The following AK5 variants were observed in gnomAD, a reference collection of about 807,000 sequenced individuals.
The protein encoded by AK5 is adenylate kinase isoenzyme 5.
AK5 carries 27 observed loss-of-function variants against 69.5 expected under a neutral mutation model. That is an observed-to-expected ratio of 0.39 (90% CI 0.29 to 0.54). AK5 has a LOEUF of 0.54. Among genes scored for constraint, AK5 ranks in the 20% least tolerant of loss-of-function variants. The probability of loss-of-function intolerance (pLI) is 0.71; values close to 1 mark genes in which losing one functional copy is unlikely to be tolerated. For missense variants in AK5, 531 were observed against 700.4 expected (o/e 0.76, Z 2.73); for synonymous variants, 260 against 244.4 (o/e 1.06, Z -0.60).
intron 6 of AK5, among the ~76,000 whole-genome samples, chr1:77,397,072 A>C (rs1355565581): frequency 6.6e-6 from 1 of 152,232 alleles, no homozygotes; most frequent in East Asian, 1.9e-4. Flanking sequence ...GAAAGCCTTC[A>C]GATAACTGTA....
chr1:77,347,854 C>G (rs1188899163), intron 6 of AK5, among the ~76,000 whole-genome samples: 1 of 152,154 alleles, frequency 6.6e-6, no homozygotes, highest in Non-Finnish European at 1.5e-5. Flanking sequence ...TGACTCACAA[C>G]TTTTCCATCC....
rs115648282 is a variant in AK5, at chr1:77,413,625, G to A, written c.982+2554G>A. On this transcript the variant is annotated intron_variant, in intron 7 of 13. Transcript: ENST00000354567. ...CTATAAAGAGGGGATAATAATAGCAGCTACCCCAGAGGATTGTTCTGAAAA... is the reference window on the plus strand; with the variant it reads ...CTATAAAGAGGGGATAATAATAGCAACTACCCCAGAGGATTGTTCTGAAAA... Among the ~76,000 whole-genome samples the A allele has an allele frequency of 5.7e-3, 866 of 152,270 alleles. 10 individuals carry two copies. The highest frequency in any genetic ancestry group is 0.019 in the African/African-American group (807 of 41,546).
chr1:77,500,260 A>G (rs946827666), intron 10 of AK5, among the ~76,000 whole-genome samples: 6 of 152,172 alleles, frequency 3.9e-5, no homozygotes, highest in African/African-American at 1.4e-4. Flanking sequence ...AAATAAAACC[A>G]AAAAAAGAGA....
chr1:77,472,784 TGA>T (rs1654601799), intron 8 of AK5, among the ~76,000 whole-genome samples: 1 of 111,888 alleles, frequency 8.9e-6, no homozygotes, highest in Non-Finnish European at 2.0e-5. Context: ...CAGCTACTGA[TGA>T]GGCAATTCTT....
At position 77,282,293 on chromosome 1, in the gene AK5, C is replaced by T; in HGVS notation, c.-21C>T. The T allele has an allele frequency of 6.5e-7, 1 of 1,545,768 alleles. No homozygotes were observed. Among genetic ancestry groups the T allele is most frequent in the Non-Finnish European group, 8.7e-7 (1 of 1,144,902 alleles). ...CCCGGGAGCCTCCCCGCTTGCGCCC[C>T]AAGGCACGCGCGGCACAGCCATGAA... On this transcript the variant is annotated 5_prime_UTR_variant, in exon 1 of 14. Transcript: ENST00000354567.
At chr1:77,395,333 C>G (rs915116512) in intron 6 of AK5, among the ~76,000 whole-genome samples, 7 of 152,134 alleles carry the variant, frequency 4.6e-5, no homozygotes, top group Admixed American at 2.0e-4. Context: ...ACAGGCTTAG[C>G]TTTTTTCCCT....
At chr1:77,517,243 A>G (rs1267474231) in intron 10 of AK5, among the ~76,000 whole-genome samples, 2 of 152,178 alleles carry the variant, frequency 1.3e-5, no homozygotes, top group African/African-American at 2.4e-5. Context: ...CAGGCACATC[A>G]TCCTGCTAGC....
intron 3 of AK5, among the ~76,000 whole-genome samples, chr1:77,294,342 G>A (rs11583735): frequency 1.3e-5 from 2 of 151,866 alleles, no homozygotes; most frequent in Admixed American, 1.3e-4. Flanking sequence ...TAGTAGGCAG[G>A]CTGAGCCAGG....
In AK5 at chr1:77,417,628, C is replaced by A; in HGVS notation, c.983-11C>A. On this transcript the variant is annotated splice_polypyrimidine_tract_variant and intron_variant, in intron 7 of 13. Transcript: ENST00000354567. ...ACCTCCATCCACTTATCTTTTCTTT[C>A]CTAATCTTAGGTTCAAGTGACCTTG... is the stretch of plus-strand genomic sequence containing the variant. 6.3e-7 allele frequency: 1 copy of A among 1,578,732 alleles called. No homozygotes were observed. Among genetic ancestry groups the A allele is most frequent in the South Asian group, 1.1e-5 (1 of 89,846 alleles).
chr1:77,556,036 C>T (rs956732030), intron 13 of AK5, among the ~76,000 whole-genome samples: 2 of 152,176 alleles, frequency 1.3e-5, no homozygotes, highest in Admixed American at 6.5e-5. Flanking sequence ...TTTGAGTCTC[C>T]TGTAAGGATG....
At chr1:77,339,306 A>G (rs965761283) in intron 5 of AK5, among the ~76,000 whole-genome samples, 2 of 152,242 alleles carry the variant, frequency 1.3e-5, no homozygotes, top group Admixed American at 1.3e-4. Context: ...GCCTCGTCCC[A>G]TTCTCAGTTG....
chr1:77,286,708 A>T (rs1016249817), intron 1 of AK5, among the ~76,000 whole-genome samples: 8 of 152,014 alleles, frequency 5.3e-5, no homozygotes, highest in Non-Finnish European at 1.2e-4. Context: ...GTAGCTGGGC[A>T]TAATGGTGTG....
chr1:77,523,788 C>CAAGCA (rs1658126715), intron 12 of AK5, among the ~76,000 whole-genome samples: 1 of 152,154 alleles, frequency 6.6e-6, no homozygotes, highest in Non-Finnish European at 1.5e-5. Context: ...CCTCTCACCT[C>CAAGCA]AGCCTCCTGA....
chr1:77,408,638 C>T (rs1394530727), intron 6 of AK5, among the ~76,000 whole-genome samples: 1 of 151,972 alleles, frequency 6.6e-6, no homozygotes, highest in Non-Finnish European at 1.5e-5. Flanking sequence ...TTAATTAGGT[C>T]CCACTTATCA....
chr1:77,363,135 CACAT>C (rs1476854024), intron 6 of AK5, among the ~76,000 whole-genome samples: 1 of 152,152 alleles, frequency 6.6e-6, no homozygotes, highest in Non-Finnish European at 1.5e-5. Context: ...TCAGGTGTAA[CACAT>C]ACAGACTGAC....
chr1:77,511,266 G>T (rs1398346283), intron 10 of AK5, among the ~76,000 whole-genome samples: 1 of 152,094 alleles, frequency 6.6e-6, no homozygotes, highest in East Asian at 1.9e-4. Flanking sequence ...ACACAGAAAA[G>T]AAGCTGCCAA....
chr1:77,347,774 A>G (rs957782854), intron 6 of AK5, among the ~76,000 whole-genome samples: 1 of 152,142 alleles, frequency 6.6e-6, no homozygotes, highest in African/African-American at 2.4e-5. Context: ...CATCAAAACA[A>G]CAGGAAGAAC....
intron 6 of AK5, among the ~76,000 whole-genome samples, chr1:77,354,421 A>T (rs1225134318): frequency 6.6e-6 from 1 of 152,216 alleles, no homozygotes; most frequent in East Asian, 1.9e-4. Flanking sequence ...ATTTAAAGGG[A>T]TGTCTGTGGA....
chr1:77,285,665 C>G (rs1427611030), intron 1 of AK5, among the ~76,000 whole-genome samples: 1 of 152,142 alleles, frequency 6.6e-6, no homozygotes, highest in Admixed American at 6.5e-5. Context: ...TTTTTAGAAT[C>G]TAGTGCCAGT....
Sources: gnomAD v4.1 joint callset for allele counts (sites outside exome capture counted in the v4.1 genomes callset) on GRCh38, gnomAD v4.1.1 for gene constraint, MANE v1.5 for transcripts, NCBI Gene and HGNC (gene_info 2026-07-23, HGNC 2026-07-21) for gene names.